The following CMYA5 variants were observed in gnomAD, a reference collection of about 807,000 sequenced individuals.
CMYA5 encodes the protein cardiomyopathy-associated protein 5.
CMYA5 carries 246 observed loss-of-function variants against 318.9 expected under a neutral mutation model. That is an observed-to-expected ratio of 0.77 (90% CI 0.70 to 0.86). CMYA5 has a LOEUF of 0.86. Among genes scored for constraint, CMYA5 ranks in the 40% least tolerant of loss-of-function variants. CMYA5 has a pLI of 0.00. For missense variants in CMYA5, 4,589 were observed against 4,678.2 expected, an observed-to-expected ratio of 0.98 and a Z score of 0.56; for synonymous variants, 1,641 against 1,729.5, an observed-to-expected ratio of 0.95 and a Z score of 1.27.
chr5:79,727,909 C>T (rs999558628), intron 1 of CMYA5, among the ~76,000 whole-genome samples: 1 of 152,200 alleles, frequency 6.6e-6, no homozygotes, highest in Non-Finnish European at 1.5e-5. Flanking sequence ...CTTCTGTATC[C>T]TGTAGCAGCT....
At chr5:79,704,054 G>A (rs1827221159) in intron 1 of CMYA5, among the ~76,000 whole-genome samples, 1 of 152,042 alleles carries the variant, frequency 6.6e-6, no homozygotes, top group African/African-American at 2.4e-5. Context: ...TTGCACCACT[G>A]CACTTCAGCT....
intron 12 of CMYA5, among the ~76,000 whole-genome samples, chr5:79,794,183 C>T (rs539813911): frequency 9.8e-4 from 149 of 152,296 alleles, no homozygotes; most frequent in Admixed American, 1.4e-3. Context: ...ACATAGAACC[C>T]GCTGCCTGTC....
chr5:79,799,412 G>A lies in CMYA5; in HGVS notation c.12006G>A (p.Val4002=). 6.2e-7 allele frequency: 1 copy of A among 1,613,566 alleles called. No individual in the cohort carries two copies. The highest frequency in any genetic ancestry group is 8.5e-7 in the Non-Finnish European group (1 of 1,179,566). ...FYSGIVSDVH[V]TERPARVGIL... ...GTGGTATTGTGAGTGATGTTCATGT[G>A]ACTGAGCGTCCAGCCAGAGTGGGCA... Residue 4002 remains valine (V), a synonymous_variant, in exon 13 of 13, where the codon GTG becomes GTA. Coordinates refer to ENST00000446378, the MANE Select transcript of CMYA5 (RefSeq NM_153610.5).
chr5:79,742,212 CAG>C (rs1828230718), intron 2 of CMYA5, among the ~76,000 whole-genome samples: 1 of 147,716 alleles, frequency 6.8e-6, no homozygotes, highest in Non-Finnish European at 1.5e-5. Context: ...TCTTCTTTGA[CAG>C]GGTCTCACTC....
At chr5:79,760,428 G>A (rs1429049734) in intron 7 of CMYA5, among the ~76,000 whole-genome samples, 2 of 152,178 alleles carry the variant, frequency 1.3e-5, no homozygotes, top group Non-Finnish European at 2.9e-5. Flanking sequence ...ACATACCTGA[G>A]ACTGGGTAAT....
intron 2 of CMYA5, among the ~76,000 whole-genome samples, chr5:79,741,668 AC>A (rs1432261203): frequency 1.3e-5 from 2 of 152,130 alleles, no homozygotes; most frequent in Non-Finnish European, 2.9e-5. Context: ...CTGCGGTGAT[AC>A]TTTGTTTTAA....
intron 1 of CMYA5, among the ~76,000 whole-genome samples, chr5:79,713,974 C>G (rs1197986291): frequency 6.6e-6 from 1 of 152,112 alleles, no homozygotes; most frequent in East Asian, 1.9e-4. Context: ...CTGTTAATAA[C>G]AAGTCTATGT....
chr5:79,722,401 G>C (rs1827657761), intron 1 of CMYA5, among the ~76,000 whole-genome samples: 1 of 152,182 alleles, frequency 6.6e-6, no homozygotes, highest in Non-Finnish European at 1.5e-5. Flanking sequence ...TCTTGGCTAT[G>C]TGCAGTGGCT....
Position 79,731,964 on chromosome 5 carries a change from G to GA in CMYA5, c.3202dup (p.Thr1068AsnfsTer9). On this transcript the variant is annotated frameshift_variant, in exon 2 of 13. Transcript: ENST00000446378. LOFTEE classifies it high-confidence loss of function. ...CAGTTCATCACAGAAGCAAAAAGCT[G>GA]AAACTTTCCCTTTGATGTCTCCGCT... 6.2e-7 allele frequency: 1 copy of GA among 1,613,522 alleles called. No homozygotes were observed. The highest frequency in any genetic ancestry group is 1.7e-5 in the Admixed American group (1 of 59,920).
rs777383747 is a variant in CMYA5, at chr5:79,733,320, A to G, written c.4555A>G (p.Thr1519Ala). The G allele has an allele frequency of 1.9e-6, 3 of 1,613,678 alleles. No individual in the cohort carries two copies. The highest frequency in any genetic ancestry group is 2.7e-5 in the African/African-American group (2 of 75,048). ...VSSQKKSLMS[T>A]SEVLEPEHEL... ...ATCACAGAAGAAGAGCTTGATGTCTACCTCAGAGGTGTTAGAGCCTGAACA... is the reference window on the plus strand; with the variant it reads ...ATCACAGAAGAAGAGCTTGATGTCTGCCTCAGAGGTGTTAGAGCCTGAACA... Residue 1519 changes from threonine to alanine, a missense_variant, in exon 2 of 13, where the codon ACC becomes GCC. Thr to Ala is a moderately conservative substitution (Grantham distance 58). Around this residue, in one of 3 missense-constraint regions of CMYA5, gnomAD observed 2,132 missense variants for 2,131.3 expected, o/e 1.00. Coordinates refer to ENST00000446378, the MANE Select transcript of CMYA5 (RefSeq NM_153610.5).
intron 8 of CMYA5, chr5:79,762,810 G>T (rs1044684256): frequency 6.7e-6 from 3 of 449,058 alleles, no homozygotes; most frequent in Non-Finnish European, 3.9e-6. Context: ...AGAAAGTCTA[G>T]TGGGATTTAT....
At chr5:79,764,993 T>A (rs990083457) in intron 9 of CMYA5, among the ~76,000 whole-genome samples, 1 of 152,242 alleles carries the variant, frequency 6.6e-6, no homozygotes, top group Non-Finnish European at 1.5e-5. Flanking sequence ...TTTAGTTTAA[T>A]TAGATCCCAC....
At position 79,734,879 on chromosome 5, in the gene CMYA5, A is replaced by G. The variant is rs1219870036; in HGVS notation, c.6114A>G (p.Glu2038=). ...LSWPSKEDSQ[E]KIKLPPERFF... ...GGCCTTCCAAAGAAGATAGCCAGGA[A>G]AAAATTAAACTACCTCCTGAAAGAT... The change falls in exon 2 of 13, where the codon GAA becomes GAG. Residue 2038 remains glutamate (E), a synonymous_variant. Coordinates refer to ENST00000446378, the MANE Select transcript of CMYA5 (RefSeq NM_153610.5). 1.5e-5 allele frequency: 24 copies of G among 1,613,846 alleles called. No homozygotes were observed. The highest frequency in any genetic ancestry group is 2.0e-5 in the Non-Finnish European group (24 of 1,179,808).
Position 79,708,359 on chromosome 5 carries a change from C to T in CMYA5, c.149+18303C>T, listed in dbSNP as rs539977758. ...ACATTTGGCCGGGCATGGTGGCTCACGCCTGTAATCTCAGCACTTTGGGAG... is the reference window on the plus strand; with the variant it reads ...ACATTTGGCCGGGCATGGTGGCTCATGCCTGTAATCTCAGCACTTTGGGAG... On this transcript the variant is annotated intron_variant, in intron 1 of 12. Coordinates refer to ENST00000446378, the MANE Select transcript of CMYA5 (RefSeq NM_153610.5). 6.6e-5 allele frequency among the ~76,000 whole-genome samples: 10 copies of T among 152,324 alleles called. No homozygotes were observed. The South Asian group carries it at 1.2e-3, about 19-fold the overall frequency.
intron 9 of CMYA5, among the ~76,000 whole-genome samples, chr5:79,787,783 GT>G (rs985603518): frequency 1.3e-5 from 2 of 152,188 alleles, no homozygotes; most frequent in African/African-American, 4.8e-5. Flanking sequence ...GGGTGGGGTG[GT>G]TATTCTGTAC....
At chr5:79,788,855 G>A in intron 9 of CMYA5, 116 bp from the exon 10 acceptor site, 1 of 1,066,200 alleles carries the variant, frequency 9.4e-7, no homozygotes, top group Non-Finnish European at 1.3e-6. Context: ...CATAAAAGGG[G>A]AAGAAAATAA....
chr5:79,785,566 T>A (rs1829068689), intron 9 of CMYA5, among the ~76,000 whole-genome samples: 1 of 152,162 alleles, frequency 6.6e-6, no homozygotes, highest in African/African-American at 2.4e-5. Context: ...TCATTTTATC[T>A]CCTATCTAGT....
Position 79,730,137 on chromosome 5 carries a change from C to G in CMYA5, c.1372C>G (p.Pro458Ala). 1.2e-6 allele frequency: 2 copies of G among 1,613,820 alleles called. No individual in the cohort carries two copies. The highest frequency in any genetic ancestry group is 1.7e-6 in the Non-Finnish European group (2 of 1,179,892). The change falls in exon 2 of 13, where the codon CCG becomes GCG. Residue 458 changes from proline to alanine, a missense_variant. By Grantham distance (27) the Pro-to-Ala change is conservative. Around this residue, in one of 3 missense-constraint regions of CMYA5, gnomAD observed 2,132 missense variants for 2,131.3 expected, o/e 1.00. Transcript: ENST00000446378. ...TGGTTTGGACCCAGACCAAGAACAG[C>G]CGGACCTGACTTCAATAGAAAGGGC... ...QDGLDPDQEQ[P>A]DLTSIERAEP...
At chr5:79,697,874 T>C (rs1462263680) in intron 1 of CMYA5, among the ~76,000 whole-genome samples, 4 of 152,208 alleles carry the variant, frequency 2.6e-5, no homozygotes, top group African/African-American at 9.6e-5. Flanking sequence ...ATCTACATAG[T>C]AGCTAATCTT....
Sources: gnomAD v4.1 joint callset for allele counts (sites outside exome capture counted in the v4.1 genomes callset) on GRCh38, gnomAD v4.1.1 for gene constraint, gnomAD v4.1.1 regional missense constraint, MANE v1.5 for transcripts, NCBI Gene and HGNC (gene_info 2026-07-23, HGNC 2026-07-21) for gene names.